MPP4: variants seen among roughly 807,000 people sequenced by gnomAD.
MPP4 encodes MAGUK p55 scaffold protein 4.
Under a neutral mutation model 98.3 loss-of-function variants are expected in MPP4, and 91 were observed. The observed-to-expected ratio is 0.93, with a 90% confidence interval of 0.78 to 1.10. The LOEUF is 1.10. Ranked by LOEUF, MPP4 falls within the 50% of genes least tolerant of loss-of-function variation. The pLI is 0.00. For synonymous variants in MPP4, 261 were observed against 271.8 expected, an observed-to-expected ratio of 0.96 and a Z score of 0.39; for missense variants, 744 against 792.9, an observed-to-expected ratio of 0.94 and a Z score of 0.74.
At chr2:201,677,132 A>G (rs1688526684) in intron 10 of MPP4, among the ~76,000 whole-genome samples, 1 of 151,994 alleles carries the variant, frequency 6.6e-6, no homozygotes, top group South Asian at 2.1e-4. Flanking sequence ...ATTACCTGGT[A>G]GTCTGATCTC....
intron 7 of MPP4, among the ~76,000 whole-genome samples, chr2:201,684,642 A>G (rs959128519): frequency 1.7e-4 from 26 of 152,154 alleles, no homozygotes; most frequent in African/African-American, 5.8e-4. Context: ...TAAAGCCCTG[A>G]CCCAAGTTAA....
chr2:201,672,360 T>C (rs1457866030), intron 11 of MPP4, among the ~76,000 whole-genome samples: 1 of 151,802 alleles, frequency 6.6e-6, no homozygotes, highest in Non-Finnish European at 1.5e-5. Context: ...AGCAAACAAA[T>C]TCAAAAATCT....
At position 201,681,684 on chromosome 2, in the gene MPP4, C is replaced by G. The variant is rs1024388781; in HGVS notation, c.661-117G>C. ...GTCTCATGGTAAAATCCCCCAAGAG[C>G]CTTTCACAAGGGCTCTGCAGCTGTC... On this transcript the variant is annotated intron_variant, in intron 8 of 21. Coordinates refer to ENST00000409474, the MANE Select transcript of MPP4 (RefSeq NM_033066.3). 3.9e-6 allele frequency: 3 copies of G among 760,874 alleles called. No individual in the cohort carries two copies. In the African/African-American group the frequency reaches 5.2e-5, roughly 13 times the overall value. 47.1% of individuals were successfully genotyped at this position (760,874 alleles called of 1,614,324 possible). A position where few individuals can be genotyped will look rare whatever the true frequency, so the allele number is the denominator to read the frequency against.
chr2:201,673,577 G>GA (rs11375204), intron 11 of MPP4: 81,541 of 187,200 alleles, frequency 0.44, 19,306 homozygotes, highest in East Asian at 0.59. Flanking sequence ...AATTAAAAAA[G>GA]AAAAAAAAAG....
At chr2:201,657,452 T>C (rs1240347760) in intron 16 of MPP4, among the ~76,000 whole-genome samples, 1 of 152,170 alleles carries the variant, frequency 6.6e-6, no homozygotes, top group Admixed American at 6.5e-5. Context: ...TTTCGATCTA[T>C]ATTTGTATGT....
intron 1 of MPP4, chr2:201,698,062 A>G: frequency 1.0e-6 from 1 of 987,794 alleles, no homozygotes; most frequent in Non-Finnish European, 1.2e-6. Flanking sequence ...CGGACTGAGT[A>G]CACAGAAAGG....
chr2:201,653,371 G>A (rs998087284), intron 18 of MPP4, among the ~76,000 whole-genome samples: 17 of 152,228 alleles, frequency 1.1e-4, no homozygotes, highest in Middle Eastern at 6.8e-3. Flanking sequence ...AGGGGAGGGG[G>A]AAGCAAGCAC....
chr2:201,664,414 G>C, intron 13 of MPP4: 9 of 1,182,146 alleles, frequency 7.6e-6, no homozygotes, highest in Non-Finnish European at 1.0e-5. Flanking sequence ...AAAGTGGAAT[G>C]TCAGGGAAAT....
intron 3 of MPP4, among the ~76,000 whole-genome samples, chr2:201,692,361 T>C (rs912578947): frequency 6.6e-6 from 1 of 152,060 alleles, no homozygotes; most frequent in African/African-American, 2.4e-5. Flanking sequence ...CTGGCCAACA[T>C]GGTGAAACCC....
intron 4 of MPP4, among the ~76,000 whole-genome samples, chr2:201,689,719 T>C (rs1688949820): frequency 6.6e-6 from 1 of 152,074 alleles, no homozygotes; most frequent in South Asian, 2.1e-4. Flanking sequence ...GTATCGTTTC[T>C]GAGATAGAAA....
intron 21 of MPP4, 35 bp downstream of exon 21, chr2:201,647,656 T>C: frequency 6.3e-7 from 1 of 1,599,968 alleles, no homozygotes; most frequent in South Asian, 1.1e-5. Context: ...CAGAAGCCAC[T>C]GAAAGCAATA....
chr2:201,693,000 G>A lies in MPP4; in HGVS notation c.109C>T (p.Gln37Ter). The change falls in exon 3 of 22, where the codon CAA (glutamine) becomes TAA (stop). Residue 37 changes from glutamine (Q) to a stop codon, truncating the protein, a stop_gained. Coordinates refer to ENST00000409474, the MANE Select transcript of MPP4 (RefSeq NM_033066.3). LOFTEE classifies it high-confidence loss of function. ...GLSQILRLVL[Q>*]ELSLFYGRDV... Reference sequence around the variant, plus strand: ...CTGCCGTAGAACAGACTCAGCTCTTGCAGCACAAGCCTCAGGATCTGGGAG... The same window carrying A: ...CTGCCGTAGAACAGACTCAGCTCTTACAGCACAAGCCTCAGGATCTGGGAG... 1.2e-6 allele frequency: 2 copies of A among 1,613,054 alleles called. No individual in the cohort carries two copies. Among genetic ancestry groups the A allele is most frequent in the Non-Finnish European group, 1.7e-6 (2 of 1,179,534 alleles).
At chr2:201,670,103 G>A (rs1688299450) in intron 11 of MPP4, among the ~76,000 whole-genome samples, 1 of 152,078 alleles carries the variant, frequency 6.6e-6, no homozygotes, top group Non-Finnish European at 1.5e-5. Flanking sequence ...TGAAAGGAAG[G>A]GAAGAAGACA....
At position 201,657,601 on chromosome 2, in the gene MPP4, G is replaced by GTT. The variant is rs1393900511; in HGVS notation, c.1129+874_1129+875dup. Among the ~76,000 whole-genome samples, 249 of 105,010 alleles carry GTT rather than the reference G, an allele frequency of 2.4e-3. 17 individuals carry two copies. Among genetic ancestry groups the GTT allele is most frequent in the African/African-American group, 8.7e-3 (230 of 26,322 alleles). 68.9% of individuals were successfully genotyped at this position (105,010 alleles called of 152,430 possible). ...GAACCCTGGCCCTTGTTTTTTTTTTGTTTTTTTGTTTTTTTTTGCTTATTG... is the reference window on the plus strand; with the variant it reads ...GAACCCTGGCCCTTGTTTTTTTTTTGTTTTTTTTTGTTTTTTTTTGCTTATTG... On this transcript the variant is annotated intron_variant, in intron 16 of 21. Transcript: ENST00000409474.
Position 201,666,345 on chromosome 2 carries a change from C to T in MPP4, c.1040G>A (p.Cys347Tyr). ...AGAGAAAATGTTACCTGCTTCCACACATTTCTCATCAATCTTCATGTCATC... is the reference window on the plus strand; with the variant it reads ...AGAGAAAATGTTACCTGCTTCCACATATTTCTCATCAATCTTCATGTCATC... ...EEDDMKIDEK[C>Y]VEADEETFES... is the part of the protein sequence containing the mutation. The change falls in exon 13 of 22, where the codon TGT becomes TAT. Residue 347 changes from cysteine (C) to tyrosine (Y), a missense_variant. Physicochemically the swap from Cys to Tyr is radical, Grantham distance 194. Coordinates refer to ENST00000409474, the MANE Select transcript of MPP4 (RefSeq NM_033066.3). 1 of 1,556,380 alleles carries T rather than the reference C, an allele frequency of 6.4e-7. No individual in the cohort carries two copies. Among genetic ancestry groups the T allele is most frequent in the Non-Finnish European group, 8.7e-7 (1 of 1,150,352 alleles).
chr2:201,658,441 T>C, intron 16 of MPP4, 36 bp downstream of exon 16: 1 of 1,584,974 alleles, frequency 6.3e-7, no homozygotes, highest in Non-Finnish European at 8.6e-7. Context: ...ATTTAACAAG[T>C]GACAGAGACC....
chr2:201,666,541 T>C (rs62193398), intron 12 of MPP4, 169 bp from the exon 13 acceptor site: 191,590 of 502,396 alleles, frequency 0.38, 39,250 homozygotes, highest in Non-Finnish European at 0.42. Context: ...ACCGACATGG[T>C]GAAACCATGT....
chr2:201,664,112 TCATGGAGGCA>T lies in MPP4; in HGVS notation c.1052-21_1052-12del. On this transcript the variant is annotated splice_polypyrimidine_tract_variant and intron_variant, in intron 13 of 21. Coordinates refer to ENST00000409474, the MANE Select transcript of MPP4 (RefSeq NM_033066.3). Reference sequence around the variant, plus strand: ...CAAATGTTTCTTCATCTATGATTTTTCATGGAGGCAAAAATCAAAAATGTTATTACATGAC... The same window carrying T: ...CAAATGTTTCTTCATCTATGATTTTTAAAATCAAAAATGTTATTACATGAC... 1 of 1,537,014 alleles carries T rather than the reference TCATGGAGGCA, an allele frequency of 6.5e-7. No homozygotes were observed. The highest frequency in any genetic ancestry group is 2.0e-5 in the Admixed American group (1 of 50,016).
chr2:201,669,702 TAA>T (rs1347547818), intron 12 of MPP4, 29 bp downstream of exon 12: 3 of 1,385,810 alleles, frequency 2.2e-6, no homozygotes, highest in East Asian at 2.7e-5. Context: ...ACTTTGGAGA[TAA>T]GAGTTTTTTC....
Sources: gnomAD v4.1 joint callset for allele counts (sites outside exome capture counted in the v4.1 genomes callset) on GRCh38, gnomAD v4.1.1 for gene constraint, MANE v1.5 for transcripts, NCBI Gene and HGNC (gene_info 2026-07-23, HGNC 2026-07-21) for gene names.